Variants in OR56A3 observed in about 807,000 individuals in gnomAD.
OR56A3 encodes olfactory receptor family 56 subfamily A member 3.
A neutral mutation model predicts 17.5 loss-of-function variants in OR56A3; 23 were observed. The ratio of observed to expected loss-of-function variants is 1.32; its 90% CI spans 0.95 to 1.87. The LOEUF (loss-of-function observed/expected upper bound fraction) is 1.87. Among genes scored for constraint, OR56A3 ranks in the 40% most tolerant of loss-of-function variants. The pLI is 0.00. For missense variants in OR56A3, 366 were observed against 380.1 expected (o/e 0.96, Z 0.31); for synonymous variants, 175 against 150.6 (o/e 1.16, Z -1.19).
chr11:6,002,023 C>G, the OR56A3 span: 288 of 1,522,330 alleles, frequency 1.9e-4, no homozygotes, highest in African/African-American at 3.7e-3. Flanking sequence ...ATTAACAACT[C>G]TAAAGGTGGA....
chr11:5,989,549 G>A, the OR56A3 span, among the ~76,000 whole-genome samples: 2 of 152,150 alleles, frequency 1.3e-5, no homozygotes, highest in Non-Finnish European at 2.9e-5. Flanking sequence ...TGGCTCGTAA[G>A]CCTAGGGTAA....
chr11:6,002,172 T>C, the OR56A3 span: 5 of 1,614,174 alleles, frequency 3.1e-6, no homozygotes, highest in South Asian at 2.2e-5. Flanking sequence ...GATGGGGACA[T>C]CTGGAGGAAT....
the OR56A3 span, among the ~76,000 whole-genome samples, chr11:6,011,204 T>TATATATATATATATATA: frequency 2.0e-4 from 25 of 122,520 alleles, no homozygotes; most frequent in African/African-American, 7.3e-4. Context: ...GAGATTTATT[T>TATATATATATATATATA]TATATATATA....
chr11:5,992,824 G>A, the OR56A3 span, among the ~76,000 whole-genome samples: 1 of 152,166 alleles, frequency 6.6e-6, no homozygotes, highest in East Asian at 1.9e-4. Flanking sequence ...TCCACTAGGT[G>A]GAGCGAAGCT....
the OR56A3 span, among the ~76,000 whole-genome samples, chr11:5,980,152 G>C: frequency 1.3e-5 from 2 of 152,114 alleles, no homozygotes; most frequent in Admixed American, 6.5e-5. Context: ...GTAGCAGAAT[G>C]TATACTCTGT....
chr11:5,981,199 A>G, the OR56A3 span, among the ~76,000 whole-genome samples: 4 of 152,152 alleles, frequency 2.6e-5, no homozygotes, highest in Non-Finnish European at 5.9e-5. Flanking sequence ...CTGAATTTGA[A>G]TGTCAAACTC....
At chr11:6,001,282 G>A in the OR56A3 span, 1 of 152,180 alleles carries the variant, frequency 6.6e-6, no homozygotes, top group South Asian at 2.1e-4. Flanking sequence ...GGATTATAAC[G>A]ACATGAAGAT....
rs763056940 is a variant in OR56A3, at chr11:5,947,524, C to T, written c.178C>T (p.His60Tyr). 6.2e-7 allele frequency: 1 copy of T among 1,614,032 alleles called. No homozygotes were observed. The highest frequency in any genetic ancestry group is 1.1e-5 in the South Asian group (1 of 91,072). ...LMTIWLEASLHQPLYYLLSLL... is the reference protein window; with the variant it reads ...LMTIWLEASLYQPLYYLLSLL... ...GACCATCTGGCTGGAGGCCTCTCTG[C>T]ACCAGCCCCTGTACTACCTGCTCAG... The change falls in exon 3 of 3, where the codon CAC becomes TAC. Residue 60 changes from histidine to tyrosine, a missense_variant. Coordinates refer to ENST00000641160, the MANE Select transcript of OR56A3 (RefSeq NM_001003443.3).
downstream of OR56A3, among the ~76,000 whole-genome samples, chr11:5,954,834 A>G (rs1847924657): frequency 6.6e-6 from 1 of 152,186 alleles, no homozygotes; most frequent in African/African-American, 2.4e-5. Flanking sequence ...AGCAGAAGGT[A>G]GAAGAGAGCA....
chr11:5,984,468 G>GT, the OR56A3 span, among the ~76,000 whole-genome samples: 1,118 of 152,270 alleles, frequency 7.3e-3, 16 homozygotes, highest in African/African-American at 0.026. Context: ...TCCATCTTCA[G>GT]TTCACATTTC....
chr11:5,963,696 T>C, the OR56A3 span, among the ~76,000 whole-genome samples: 12 of 152,168 alleles, frequency 7.9e-5, no homozygotes, highest in Non-Finnish European at 1.3e-4. Context: ...TTGAATCTCA[T>C]TGGTGATCTT....
chr11:5,993,755 T>C, the OR56A3 span: 1 of 211,076 alleles, frequency 4.7e-6, no homozygotes. Context: ...GAATTTAATA[T>C]GTTATTTTAC....
At chr11:5,973,480 C>T in the OR56A3 span, among the ~76,000 whole-genome samples, 1 of 152,190 alleles carries the variant, frequency 6.6e-6, no homozygotes, top group Non-Finnish European at 1.5e-5. Context: ...ATCATACATA[C>T]TCTATCTCCT....
the OR56A3 span, chr11:6,002,219 C>T: frequency 1.9e-6 from 3 of 1,614,046 alleles, no homozygotes; most frequent in Non-Finnish European, 2.5e-6. Flanking sequence ...CCAGAACCAG[C>T]AGGACTGTGC....
At chr11:5,998,698 A>T in the OR56A3 span, among the ~76,000 whole-genome samples, 1 of 152,176 alleles carries the variant, frequency 6.6e-6, no homozygotes, top group Non-Finnish European at 1.5e-5. Flanking sequence ...GTAAGACAGC[A>T]TTTATGGACT....
the OR56A3 span, among the ~76,000 whole-genome samples, chr11:5,963,674 G>A: frequency 6.6e-6 from 1 of 152,036 alleles, no homozygotes; most frequent in Non-Finnish European, 1.5e-5. Flanking sequence ...TCTTGGAGTA[G>A]TCTTAGGTGT....
the OR56A3 span, chr11:6,001,237 C>T: frequency 4.9e-3 from 749 of 152,216 alleles, 4 homozygotes; most frequent in Non-Finnish European, 9.0e-3. Context: ...CTCATTTGTG[C>T]CTAGGATGGG....
chr11:5,979,898 T>C, the OR56A3 span, among the ~76,000 whole-genome samples: 497 of 152,282 alleles, frequency 3.3e-3, 3 homozygotes, highest in African/African-American at 0.011. Flanking sequence ...TCTGTTCTCA[T>C]TAGTTTCAAA....
the OR56A3 span, among the ~76,000 whole-genome samples, chr11:6,017,500 A>AAT: frequency 2.0e-5 from 3 of 152,176 alleles, no homozygotes; most frequent in African/African-American, 7.2e-5. Flanking sequence ...GTCAGGAGAG[A>AAT]ATAGAATGCT....
Sources: gnomAD v4.1 joint callset for allele counts (sites outside exome capture counted in the v4.1 genomes callset) on GRCh38, gnomAD v4.1.1 for gene constraint, MANE v1.5 for transcripts, NCBI Gene and HGNC (gene_info 2026-07-23, HGNC 2026-07-21) for gene names.